The following PITPNC1 variants were observed in gnomAD, a reference collection of about 807,000 sequenced individuals.
PITPNC1 encodes the protein cytoplasmic phosphatidylinositol transfer protein 1.
Under a neutral mutation model 44.7 loss-of-function variants are expected in PITPNC1, and 18 were observed. The observed-to-expected ratio is 0.40, with a 90% CI of 0.28 to 0.60. The LOEUF (loss-of-function observed/expected upper bound fraction) is 0.60, where lower values mean the gene tolerates loss of function less well. PITPNC1 is among the 20% of genes least tolerant of loss of function. The pLI, the probability that PITPNC1 is intolerant of heterozygous loss-of-function variation, is 0.39. For synonymous variants in PITPNC1, 141 were observed against 149.6 expected (o/e 0.94, Z 0.42); for missense variants, 290 against 418.4 (o/e 0.69, Z 2.68).
In PITPNC1 at chr17:67,675,460, T is replaced by C; in HGVS notation, c.619-19T>C. 1.3e-6 allele frequency: 2 copies of C among 1,564,892 alleles called. No individual in the cohort carries two copies. Among genetic ancestry groups the C allele is most frequent in the South Asian group, 2.2e-5 (2 of 89,928 alleles). On this transcript the variant is annotated intron_variant, in intron 7 of 8. Transcript: ENST00000581322. ...CATCAAAGATGCTATTATTTCAGTC[T>C]CCTTCTTTTACTTTTTAGGTGGTCC... is the stretch of plus-strand genomic sequence containing the variant.
intron 5 of PITPNC1, chr17:67,612,026 A>G (rs1278402103): frequency 4.6e-5 from 7 of 152,222 alleles, no homozygotes; most frequent in Admixed American, 3.9e-4. Context: ...ACAACAGCTG[A>G]ATGTTATTCA....
chr17:67,382,360 T>C (rs2037975177), intron 1 of PITPNC1, among the ~76,000 whole-genome samples: 1 of 151,990 alleles, frequency 6.6e-6, no homozygotes, highest in South Asian at 2.1e-4. Context: ...TGTGTGTGTG[T>C]GTGTGTGTGT....
At chr17:67,570,608 TTCG>T (rs1239371180) in intron 4 of PITPNC1, among the ~76,000 whole-genome samples, 2 of 152,158 alleles carry the variant, frequency 1.3e-5, no homozygotes, top group African/African-American at 2.4e-5. Context: ...GCCCTGGACA[TTCG>T]TTATCTCTTT....
At chr17:67,492,897 CTT>C (rs2039883012) in intron 1 of PITPNC1, among the ~76,000 whole-genome samples, 1 of 152,160 alleles carries the variant, frequency 6.6e-6, no homozygotes, top group African/African-American at 2.4e-5. Context: ...TTTATTTACT[CTT>C]CTCCTGTTGG....
intron 5 of PITPNC1, among the ~76,000 whole-genome samples, chr17:67,621,282 A>T (rs1028625031): frequency 7.9e-5 from 12 of 151,604 alleles, no homozygotes; most frequent in African/African-American, 1.9e-4. Flanking sequence ...ATCTCAGGTC[A>T]CTGTAACCTC....
chr17:67,473,408 A>G (rs1369631601), intron 1 of PITPNC1, among the ~76,000 whole-genome samples: 1 of 151,600 alleles, frequency 6.6e-6, no homozygotes, highest in Non-Finnish European at 1.5e-5. Flanking sequence ...GGCTCACTGC[A>G]AGCTCCACCT....
intron 2 of PITPNC1, among the ~76,000 whole-genome samples, chr17:67,551,785 A>T (rs560280846): frequency 3.9e-4 from 60 of 152,248 alleles, no homozygotes; most frequent in Middle Eastern, 3.4e-3. Flanking sequence ...CCTATCTCTA[A>T]GTTGCTGCTC....
At chr17:67,378,951 G>C in intron 1 of PITPNC1, 1 of 984,858 alleles carries the variant, frequency 1.0e-6, no homozygotes, top group Non-Finnish European at 1.2e-6. Flanking sequence ...GGCGCCGGGC[G>C]CGGGGCGGGG....
intron 6 of PITPNC1, among the ~76,000 whole-genome samples, chr17:67,636,154 C>T (rs768611956): frequency 2.7e-4 from 41 of 151,940 alleles, no homozygotes; most frequent in Non-Finnish European, 4.1e-4. Flanking sequence ...AAAAATTAGC[C>T]GGCCATGGTG....
At chr17:67,598,081 G>C (rs1416062997) in intron 5 of PITPNC1, among the ~76,000 whole-genome samples, 1 of 152,076 alleles carries the variant, frequency 6.6e-6, no homozygotes, top group African/African-American at 2.4e-5. Context: ...AATTAGCTGG[G>C]AGTAGTGGTG....
At chr17:67,513,377 A>G (rs909031342) in intron 1 of PITPNC1, among the ~76,000 whole-genome samples, 7 of 145,374 alleles carry the variant, frequency 4.8e-5, no homozygotes, top group Non-Finnish European at 7.4e-5. Context: ...ATCTATATCT[A>G]TATCTATATC....
In PITPNC1 at chr17:67,695,986, T is replaced by A. The variant is rs949759881; in HGVS notation, c.*3098T>A. The A allele has an allele frequency of 6.6e-6, 1 of 152,198 alleles. No homozygotes were observed. The highest frequency in any genetic ancestry group is 2.4e-5 in the African/African-American group (1 of 41,446). 9.4% of individuals were successfully genotyped at this position (152,198 alleles called of 1,614,324 possible). The stretch of plus-strand genomic sequence containing the variant: ...ACAAAGCAAAGGAAAAGGAACACAA[T>A]GAAGGAGGCCGTGACATTTTTAGTT... On this transcript the variant is annotated 3_prime_UTR_variant, in exon 9 of 9. Transcript: ENST00000581322.
At chr17:67,673,248 A>G (rs2042543670) in intron 7 of PITPNC1, among the ~76,000 whole-genome samples, 1 of 152,214 alleles carries the variant, frequency 6.6e-6, no homozygotes, top group South Asian at 2.1e-4. Context: ...ACCTTCCACG[A>G]GAGGTTTTTC....
chr17:67,628,041 C>G (rs1033695556), intron 5 of PITPNC1, among the ~76,000 whole-genome samples: 4 of 151,696 alleles, frequency 2.6e-5, no homozygotes, highest in Admixed American at 2.6e-4. Flanking sequence ...ATTCTCATGC[C>G]TCAGTCTCCT....
chr17:67,462,698 A>T (rs1314111203), intron 1 of PITPNC1, among the ~76,000 whole-genome samples: 2 of 122,358 alleles, frequency 1.6e-5, no homozygotes, highest in East Asian at 2.2e-4. Flanking sequence ...CACAATTGGA[A>T]TTTTTTTTTT....
At chr17:67,394,958 G>A (rs2038195524) in intron 1 of PITPNC1, among the ~76,000 whole-genome samples, 1 of 152,016 alleles carries the variant, frequency 6.6e-6, no homozygotes, top group Non-Finnish European at 1.5e-5. Flanking sequence ...CACTTTGGGA[G>A]GATGAGGTAG....
At chr17:67,521,790 A>G (rs866157175) in intron 1 of PITPNC1, among the ~76,000 whole-genome samples, 3 of 152,314 alleles carry the variant, frequency 2.0e-5, no homozygotes, top group South Asian at 4.1e-4. Flanking sequence ...ACTTCGGGAT[A>G]AGGAGCAACT....
chr17:67,688,192 G>T (rs1043717158), intron 8 of PITPNC1, among the ~76,000 whole-genome samples: 1 of 151,564 alleles, frequency 6.6e-6, no homozygotes, highest in African/African-American at 2.4e-5. Flanking sequence ...TACAAAATTA[G>T]CTGGGTGTGG....
intron 4 of PITPNC1, among the ~76,000 whole-genome samples, chr17:67,568,457 AC>A (rs2041010438): frequency 6.6e-6 from 1 of 152,214 alleles, no homozygotes; most frequent in Admixed American, 6.5e-5. Context: ...TATACTGAAC[AC>A]CATTAACTTG....
Sources: gnomAD v4.1 joint callset for allele counts (sites outside exome capture counted in the v4.1 genomes callset) on GRCh38, gnomAD v4.1.1 for gene constraint, MANE v1.5 for transcripts, NCBI Gene and HGNC (gene_info 2026-07-23, HGNC 2026-07-21) for gene names.